The following SLC9A3 variants were observed in gnomAD, a reference collection of about 807,000 sequenced individuals.
SLC9A3 encodes sodium/hydrogen exchanger 3.
In SLC9A3, 37 loss-of-function variants were observed where a neutral mutation model predicts 86.8. The observed-to-expected ratio is 0.43, with a 90% confidence interval of 0.33 to 0.56. The LOEUF is 0.56. Among genes scored for constraint, SLC9A3 ranks in the 20% least tolerant of loss-of-function variants. SLC9A3 has a pLI of 0.06. For synonymous variants in SLC9A3, 581 were observed against 528.3 expected (o/e 1.10, Z -1.37); for missense variants, 1,011 against 1,171.9 (o/e 0.86, Z 2.00).
rs2278247 is a variant in SLC9A3 at position 483,248 on chromosome 5, C to A, written c.1153+14G>T. 1 of 1,530,584 alleles carries A rather than the reference C, an allele frequency of 6.5e-7. No homozygotes were observed. The allele number at this position is 1,530,584 out of a possible 1,614,324, so 94.8% of individuals were successfully genotyped here. On this transcript the variant is annotated intron_variant, in intron 6 of 16. Transcript: ENST00000264938. ...CATCGGTGGTCCCACGGCCGCAACC[C>A]GGCCCCGCCTCACCGATGGCCCGGT...
Position 524,307 on chromosome 5 carries a change from C to G in SLC9A3, c.16G>C (p.Ala6Pro), listed in dbSNP as rs1401436919. 1.6e-6 allele frequency: 2 copies of G among 1,277,404 alleles called. No homozygotes were observed. The highest frequency in any genetic ancestry group is 2.0e-6 in the Non-Finnish European group (2 of 1,007,808). The allele number at this position is 1,277,404 out of a possible 1,614,324, so 79.1% of individuals were successfully genotyped here. The part of the protein sequence containing the change: MWGLG[A>P]RGPDRGLLLA... Reference sequence around the variant, plus strand: ...AGCAGCCCCCGGTCGGGGCCCCGGGCCCCGAGTCCCCACATTGCCGCCTGC... The same window carrying G: ...AGCAGCCCCCGGTCGGGGCCCCGGGGCCCGAGTCCCCACATTGCCGCCTGC... The change falls in exon 1 of 17, where the codon GCC (alanine) becomes CCC (proline). Residue 6 changes from alanine to proline, a missense_variant. By Grantham distance (27) the Ala-to-Pro change is conservative (BLOSUM62 -1). Coordinates refer to ENST00000264938, the MANE Select transcript of SLC9A3 (RefSeq NM_004174.4).
intron 1 of SLC9A3, among the ~76,000 whole-genome samples, chr5:508,346 G>T (rs1161825801): frequency 7.3e-6 from 1 of 137,354 alleles, no homozygotes; most frequent in African/African-American, 2.8e-5. Flanking sequence ...GCCGCAGGGA[G>T]ACGCAGGCCT....
Position 496,885 on chromosome 5 carries a change from T to A in SLC9A3, c.212-4814A>T, listed in dbSNP as rs1041574604. Reference sequence around the variant, plus strand: ...GGGCAACATGGCGAAACCCCATCTTTACAAAAAAAAATACAAAAACTCTGC... The same window carrying A: ...GGGCAACATGGCGAAACCCCATCTTAACAAAAAAAAATACAAAAACTCTGC... On this transcript the variant is annotated intron_variant, in intron 1 of 16. Coordinates refer to ENST00000264938, the MANE Select transcript of SLC9A3 (RefSeq NM_004174.4). This position sits in a 1 kb window ranked among gnomAD's most constrained non-coding sequence, Gnocchi z 4.7. Among the ~76,000 whole-genome samples the A allele has an allele frequency of 2.0e-5, 3 of 151,454 alleles. No individual in the cohort carries two copies. The highest frequency in any genetic ancestry group is 2.9e-5 in the Non-Finnish European group (2 of 67,888).
intron 1 of SLC9A3, among the ~76,000 whole-genome samples, chr5:503,595 G>C (rs1048509850): frequency 3.3e-5 from 5 of 152,240 alleles, no homozygotes; most frequent in African/African-American, 1.2e-4. Flanking sequence ...ACCTTGAAGA[G>C]CGAATGGTAA....
chr5:475,166 G>A, intron 15 of SLC9A3, 34 bp from the exon 16 acceptor site: 2 of 1,540,378 alleles, frequency 1.3e-6, no homozygotes, highest in Non-Finnish European at 1.7e-6. Flanking sequence ...TCAGCCTTCG[G>A]AGAGCCCCAC....
At chr5:473,488 C>G (rs1266655540) in intron 16 of SLC9A3, 106 bp from the exon 17 acceptor site, 1 of 983,386 alleles carries the variant, frequency 1.0e-6, no homozygotes, top group African/African-American at 1.7e-5. Context: ...TCTCGCCTCC[C>G]CTCCCGCGGC....
At chr5:513,077 A>G (rs973799133) in intron 1 of SLC9A3, among the ~76,000 whole-genome samples, 1 of 152,046 alleles carries the variant, frequency 6.6e-6, no homozygotes, top group Non-Finnish European at 1.5e-5. Context: ...CGATACTGAG[A>G]CTTAGGAACC....
chr5:480,246 G>A (rs1307062414), intron 9 of SLC9A3: 1 of 366,334 alleles, frequency 2.7e-6, no homozygotes, highest in Non-Finnish European at 5.0e-6. Flanking sequence ...AGGCAAGGGG[G>A]CTTTGGCCAC....
intron 1 of SLC9A3, among the ~76,000 whole-genome samples, chr5:521,962 C>G (rs764647414): frequency 5.3e-5 from 8 of 152,196 alleles, no homozygotes; most frequent in Non-Finnish European, 1.0e-4. Flanking sequence ...GGGGCCAATC[C>G]GGGCAGACCC....
At position 471,593 on chromosome 5, in the gene SLC9A3, C is replaced by G; in HGVS notation, c.*1786G>C. On this transcript the variant is annotated 3_prime_UTR_variant, in exon 17 of 17. Transcript: ENST00000264938. The stretch of plus-strand genomic sequence containing the variant: ...CGGTGGCTGCAGCAGGGAACCAGGG[C>G]TGGCCTTGGATCTGTCCAGTAGGGT... The G allele has an allele frequency of 2.8e-6, 1 of 359,796 alleles. No individual in the cohort carries two copies. The highest frequency in any genetic ancestry group is 5.5e-6 in the Non-Finnish European group (1 of 182,058). The allele number at this position is 359,796 out of a possible 1,614,324, so 22.3% of individuals were successfully genotyped here. A position where few individuals can be genotyped will look rare whatever the true frequency, so the allele number is the denominator to read the frequency against.
At chr5:494,384 G>A (rs12716164) in intron 1 of SLC9A3, among the ~76,000 whole-genome samples, 55,204 of 152,062 alleles carry the variant, frequency 0.36, 10,493 homozygotes, top group Middle Eastern at 0.52. Flanking sequence ...CCGGGCCTGC[G>A]AGGGGAAGGC....
intron 16 of SLC9A3, 24 bp downstream of exon 16, chr5:474,859 C>T (rs2721018): frequency 0.23 from 204,369 of 886,226 alleles, 45,374 homozygotes; most frequent in African/African-American, 0.59. Context: ...AGGGGTTAGG[C>T]GGCGGGAGGC....
chr5:478,410 G>C (rs1334349556), intron 10 of SLC9A3: 1 of 152,334 alleles, frequency 6.6e-6, no homozygotes, highest in Non-Finnish European at 1.5e-5. Context: ...CGGAGGGGCT[G>C]CTCCCCACAC....
rs1738490082 is a variant in SLC9A3, at chr5:473,198, G to GGGCGCA, written c.*175_*180dup. 1 of 615,216 alleles carries GGGCGCA rather than the reference G, an allele frequency of 1.6e-6. No individual in the cohort carries two copies. The highest frequency in any genetic ancestry group is 5.0e-5 in the Admixed American group (1 of 20,150). 38.1% of individuals were successfully genotyped at this position (615,216 alleles called of 1,614,324 possible). On this transcript the variant is annotated 3_prime_UTR_variant, in exon 17 of 17. Coordinates refer to ENST00000264938, the MANE Select transcript of SLC9A3 (RefSeq NM_004174.4). Reference sequence around the variant, plus strand: ...CCGGCTCGCCCTCGGGCGGCTCTGCGGGCGCAGGCGCGGCACTCTCGGAGT... The same window carrying GGGCGCA: ...CCGGCTCGCCCTCGGGCGGCTCTGCGGGCGCAGGCGCAGGCGCGGCACTCTCGGAGT...
At chr5:520,816 C>A (rs999642374) in intron 1 of SLC9A3, among the ~76,000 whole-genome samples, 2 of 151,886 alleles carry the variant, frequency 1.3e-5, no homozygotes, top group African/African-American at 4.9e-5. Context: ...CACCCCAGGG[C>A]CCCCACCCAG....
At chr5:477,185 T>TG (rs1478097336) in intron 11 of SLC9A3, 147 bp downstream of exon 11, 2 of 600,214 alleles carry the variant, frequency 3.3e-6, no homozygotes, top group Non-Finnish European at 3.0e-6. Flanking sequence ...GGAGGGCTTG[T>TG]GGAAGGAGAC....
intron 1 of SLC9A3, among the ~76,000 whole-genome samples, chr5:518,678 G>T (rs758379183): frequency 4.6e-5 from 7 of 152,206 alleles, no homozygotes; most frequent in Admixed American, 1.3e-4. Flanking sequence ...AGCCGGCAGT[G>T]GGGGTGGCCA....
At position 473,527 on chromosome 5, in the gene SLC9A3, C is replaced by T. The variant is rs973098716; in HGVS notation, c.2502-145G>A. The stretch of plus-strand genomic sequence containing the variant: ...CCCCAGGCTCGGCGTCCGCTGGGGC[C>T]TCCTCCCAGGACCCGGGTTCGCGGG... On this transcript the variant is annotated intron_variant, in intron 16 of 16. Coordinates refer to ENST00000264938, the MANE Select transcript of SLC9A3 (RefSeq NM_004174.4). The T allele has an allele frequency of 2.7e-5, 16 of 599,568 alleles. No homozygotes were observed. The African/African-American group carries it at 2.9e-4, about 11-fold the overall frequency. 37.1% of individuals were successfully genotyped at this position (599,568 alleles called of 1,614,324 possible).
chr5:493,639 A>G (rs548948411), intron 1 of SLC9A3, among the ~76,000 whole-genome samples: 180 of 152,362 alleles, frequency 1.2e-3, no homozygotes, highest in African/African-American at 4.0e-3. Flanking sequence ...CCCGGCCACC[A>G]GCACTGCACT....
Sources: allele counts gnomAD v4.1 joint callset (sites outside exome capture counted in the v4.1 genomes callset), GRCh38; gene constraint gnomAD v4.1.1; non-coding constraint Gnocchi (gnomAD v3.1); transcripts MANE v1.5; gene names NCBI Gene and HGNC (gene_info 2026-07-23, HGNC 2026-07-21).